EPHA6: variants seen among roughly 807,000 people sequenced by gnomAD.
The protein encoded by EPHA6 is ephrin type-A receptor 6.
A neutral mutation model predicts 112.0 loss-of-function variants in EPHA6; 50 were observed. The ratio of observed to expected loss-of-function variants is 0.45; its 90% CI spans 0.36 to 0.56. EPHA6 has a LOEUF of 0.56. Among genes scored for constraint, EPHA6 ranks in the 20% least tolerant of loss-of-function variants. The pLI is 0.00. For synonymous variants in EPHA6, 529 were observed against 490.7 expected, an observed-to-expected ratio of 1.08 and a Z score of -1.03; for missense variants, 1,280 against 1,417.4, an observed-to-expected ratio of 0.90 and a Z score of 1.56.
intron 3 of EPHA6, among the ~76,000 whole-genome samples, chr3:97,140,424 A>C (rs2075870033): frequency 6.6e-6 from 1 of 152,118 alleles, no homozygotes; most frequent in South Asian, 2.1e-4. Flanking sequence ...GAAAAATTTT[A>C]AAAACAGAGA....
intron 7 of EPHA6, among the ~76,000 whole-genome samples, chr3:97,461,158 G>C (rs1338178948): frequency 1.3e-5 from 2 of 152,082 alleles, no homozygotes; most frequent in Non-Finnish European, 2.9e-5. Context: ...TTGAAGAAAA[G>C]GAAGAACTTA....
At chr3:97,639,385 A>C (rs1255753270) in intron 14 of EPHA6, among the ~76,000 whole-genome samples, 3 of 152,046 alleles carry the variant, frequency 2.0e-5, no homozygotes, top group Non-Finnish European at 4.4e-5. Context: ...TTTATAACTT[A>C]AAACAACTTT....
rs1026154485 is a variant in EPHA6, at chr3:97,070,739, G to T, written c.1114+82746G>T. 3.1e-4 allele frequency among the ~76,000 whole-genome samples: 47 copies of T among 152,188 alleles called. 1 individual carries two copies. Among genetic ancestry groups the T allele is most frequent in the African/African-American group, 8.9e-4 (37 of 41,536 alleles). The stretch of plus-strand genomic sequence containing the variant: ...TGCTCAAAGTTACCTTTGTTTGTAG[G>T]AAAACAGGTGTTCTAGGTAGGCTGA... On this transcript the variant is annotated intron_variant, in intron 3 of 17. Transcript: ENST00000389672.
At chr3:96,892,387 AT>A (rs200631385) in intron 2 of EPHA6, among the ~76,000 whole-genome samples, 57 of 151,786 alleles carry the variant, frequency 3.8e-4, no homozygotes, top group Non-Finnish European at 7.4e-4. Context: ...CTCCTGGTTA[AT>A]TTTTTTGTAC....
At chr3:97,355,920 T>C (rs2084048112) in intron 5 of EPHA6, among the ~76,000 whole-genome samples, 2 of 152,094 alleles carry the variant, frequency 1.3e-5, no homozygotes, top group African/African-American at 2.4e-5. Flanking sequence ...AGATAAAAAC[T>C]ATAAAAAGAG....
At chr3:96,976,272 A>T (rs1424142650) in intron 2 of EPHA6, among the ~76,000 whole-genome samples, 1 of 152,050 alleles carries the variant, frequency 6.6e-6, no homozygotes, top group Admixed American at 6.6e-5. Context: ...GAATTTTATA[A>T]TTCTTTATTG....
intron 7 of EPHA6, among the ~76,000 whole-genome samples, chr3:97,453,443 A>C (rs970268766): frequency 1.4e-4 from 21 of 151,744 alleles, no homozygotes; most frequent in African/African-American, 4.8e-4. Flanking sequence ...TTAAGTTTTC[A>C]CCTGTAGGCT....
chr3:97,540,851 T>C (rs1401298892), intron 11 of EPHA6, among the ~76,000 whole-genome samples: 3 of 152,160 alleles, frequency 2.0e-5, no homozygotes, highest in Non-Finnish European at 4.4e-5. Context: ...AAAAAATCTC[T>C]CCCAAATCAT....
chr3:97,261,908 AT>A (rs2079516341), intron 5 of EPHA6, among the ~76,000 whole-genome samples: 1 of 152,176 alleles, frequency 6.6e-6, no homozygotes, highest in Non-Finnish European at 1.5e-5. Flanking sequence ...ACAAATTAGA[AT>A]TTATAAGCAA....
chr3:97,436,298 T>G (rs933081053), intron 6 of EPHA6, among the ~76,000 whole-genome samples: 1 of 152,168 alleles, frequency 6.6e-6, no homozygotes, highest in African/African-American at 2.4e-5. Context: ...TCTTGAATCC[T>G]TTGTAGCTTT....
chr3:97,113,104 A>G (rs1243291043), intron 3 of EPHA6, among the ~76,000 whole-genome samples: 1 of 152,118 alleles, frequency 6.6e-6, no homozygotes, highest in Non-Finnish European at 1.5e-5. Context: ...AGCTGCCCTC[A>G]GGCTCAACCT....
chr3:97,236,741 T>C (rs980129588), intron 4 of EPHA6, among the ~76,000 whole-genome samples: 3 of 152,116 alleles, frequency 2.0e-5, no homozygotes, highest in Admixed American at 2.0e-4. Flanking sequence ...ACATTTGCTC[T>C]AAGGCTAACA....
At chr3:97,643,990 T>A (rs1461224282) in intron 14 of EPHA6, among the ~76,000 whole-genome samples, 1 of 151,454 alleles carries the variant, frequency 6.6e-6, no homozygotes, top group African/African-American at 2.4e-5. Flanking sequence ...TATACATTTT[T>A]TTCAGCACCA....
intron 10 of EPHA6, among the ~76,000 whole-genome samples, chr3:97,531,425 T>C (rs1034077479): frequency 6.6e-6 from 1 of 152,010 alleles, no homozygotes; most frequent in African/African-American, 2.4e-5. Flanking sequence ...AATGTTTTTC[T>C]TCACTTCCCT....
At chr3:97,147,445 A>AC (rs2076069853) in intron 3 of EPHA6, among the ~76,000 whole-genome samples, 2 of 151,856 alleles carry the variant, frequency 1.3e-5, no homozygotes, top group Admixed American at 1.3e-4. Flanking sequence ...TTTTTTCTGC[A>AC]AAGCACAATG....
intron 9 of EPHA6, among the ~76,000 whole-genome samples, chr3:97,480,647 G>A (rs1014121686): frequency 6.6e-6 from 1 of 152,220 alleles, no homozygotes; most frequent in African/African-American, 2.4e-5. Flanking sequence ...CACAGACACA[G>A]TAACAATCTG....
At chr3:96,913,376 A>T (rs564365809) in intron 2 of EPHA6, among the ~76,000 whole-genome samples, 1 of 152,116 alleles carries the variant, frequency 6.6e-6, no homozygotes, top group Non-Finnish European at 1.5e-5. Context: ...TCTCAAAAAA[A>T]AAAATAATGT....
chr3:96,827,274 T>G (rs555148435), intron 1 of EPHA6, among the ~76,000 whole-genome samples: 1 of 152,262 alleles, frequency 6.6e-6, no homozygotes, highest in Admixed American at 6.5e-5. Flanking sequence ...AGTTGAGAAG[T>G]TGAGTAAGAA....
At chr3:97,076,200 T>C (rs1323328186) in intron 3 of EPHA6, among the ~76,000 whole-genome samples, 1 of 152,184 alleles carries the variant, frequency 6.6e-6, no homozygotes, top group African/African-American at 2.4e-5. Flanking sequence ...AATCTTTTTG[T>C]GCCAGATTGC....
Sources: gnomAD v4.1 joint callset for allele counts (sites outside exome capture counted in the v4.1 genomes callset) on GRCh38, gnomAD v4.1.1 for gene constraint, MANE v1.5 for transcripts, NCBI Gene and HGNC (gene_info 2026-07-23, HGNC 2026-07-21) for gene names.